The following LDLRAD4 variants were observed in gnomAD, a reference collection of about 807,000 sequenced individuals.
The protein encoded by LDLRAD4 is low density lipoprotein receptor class A domain containing 4.
Under a neutral mutation model 17.0 loss-of-function variants are expected in LDLRAD4, and 5 were observed. The observed-to-expected ratio is 0.29, with a 90% CI of 0.15 to 0.62. The LOEUF is 0.62. Among genes scored for constraint, LDLRAD4 ranks in the 20% least tolerant of loss-of-function variants. The pLI is 0.84. For synonymous variants in LDLRAD4, 168 were observed against 171.8 expected (o/e 0.98, Z 0.17); for missense variants, 340 against 424.7 (o/e 0.80, Z 1.75).
At chr18:13,311,539 A>G (rs1429419122) in intron 1 of LDLRAD4, among the ~76,000 whole-genome samples, 1 of 152,190 alleles carries the variant, frequency 6.6e-6, no homozygotes, top group Non-Finnish European at 1.5e-5. Flanking sequence ...CGCCGGCCAC[A>G]CTGGGCAATG....
Position 13,227,565 on chromosome 18 carries a change from C to T in LDLRAD4, c.-467+8577C>T, listed in dbSNP as rs536799637. On this transcript the variant is annotated intron_variant, in intron 1 of 5. Coordinates refer to the LDLRAD4 transcript ENST00000399848. ...GACCTGGTGGGCCCATGTATTAGTC[C>T]GTTCTCATGCTGCTATGAAGAAATA... 1.2e-4 allele frequency among the ~76,000 whole-genome samples: 18 copies of T among 152,278 alleles called. No homozygotes were observed. In the East Asian group the frequency reaches 3.3e-3, roughly 28 times the overall value.
At chr18:13,485,285 A>G (rs1008685197) in intron 3 of LDLRAD4, among the ~76,000 whole-genome samples, 1 of 152,156 alleles carries the variant, frequency 6.6e-6, no homozygotes, top group Non-Finnish European at 1.5e-5. Flanking sequence ...TGACCCCACA[A>G]AGCCTCTGGT....
At chr18:13,578,285 C>T (rs1462538149) in intron 3 of LDLRAD4, among the ~76,000 whole-genome samples, 2 of 152,192 alleles carry the variant, frequency 1.3e-5, no homozygotes, top group Non-Finnish European at 2.9e-5. Flanking sequence ...TGATGAATTA[C>T]CACCTTACTA....
intron 3 of LDLRAD4, among the ~76,000 whole-genome samples, chr18:13,493,872 G>T (rs150156601): frequency 0.013 from 1,910 of 152,320 alleles, 18 homozygotes; most frequent in Non-Finnish European, 0.021. Flanking sequence ...CACTCAGCCC[G>T]TGGGCCCTCT....
intron 1 of LDLRAD4, among the ~76,000 whole-genome samples, chr18:13,331,071 T>C (rs1180782036): frequency 6.6e-6 from 1 of 152,174 alleles, no homozygotes; most frequent in Admixed American, 6.5e-5. Context: ...GCAGTAAAGG[T>C]AAATAAGTGT....
At chr18:13,629,359 A>G (rs1190890833) in intron 4 of LDLRAD4, among the ~76,000 whole-genome samples, 1 of 152,230 alleles carries the variant, frequency 6.6e-6, no homozygotes, top group Non-Finnish European at 1.5e-5. Flanking sequence ...TCAATTAGTG[A>G]GACTGACGTC....
intron 3 of LDLRAD4, among the ~76,000 whole-genome samples, chr18:13,465,514 A>G (rs1253087214): frequency 1.3e-5 from 2 of 152,200 alleles, no homozygotes; most frequent in African/African-American, 2.4e-5. Flanking sequence ...GCATGTGTTG[A>G]GCATTTGATT....
chr18:13,450,592 G>T (rs2091770873), intron 3 of LDLRAD4, among the ~76,000 whole-genome samples: 1 of 152,268 alleles, frequency 6.6e-6, no homozygotes, highest in Non-Finnish European at 1.5e-5. Context: ...GTGCAGGGCT[G>T]CAGGGGCTAG....
chr18:13,557,019 G>C (rs148355503), intron 3 of LDLRAD4, among the ~76,000 whole-genome samples: 88 of 152,248 alleles, frequency 5.8e-4, no homozygotes, highest in South Asian at 2.7e-3. Flanking sequence ...GCACGGCCAG[G>C]CTCAGTGGCA....
chr18:13,250,116 A>G (rs1255167615), intron 1 of LDLRAD4, among the ~76,000 whole-genome samples: 2 of 152,188 alleles, frequency 1.3e-5, no homozygotes, highest in Non-Finnish European at 2.9e-5. Context: ...GTCAGAAATC[A>G]GTTGGCTTGT....
intron 1 of LDLRAD4, among the ~76,000 whole-genome samples, chr18:13,237,760 T>A (rs897410264): frequency 1.3e-5 from 2 of 152,250 alleles, no homozygotes; most frequent in Non-Finnish European, 1.5e-5. Context: ...GAGGCATTGC[T>A]GTCCAGCAGT....
chr18:13,616,985 T>C (rs1015868011), intron 3 of LDLRAD4, among the ~76,000 whole-genome samples: 1 of 152,150 alleles, frequency 6.6e-6, no homozygotes, highest in Admixed American at 6.5e-5. Context: ...GCATGACTCA[T>C]ATTTGGAGCC....
intron 4 of LDLRAD4, among the ~76,000 whole-genome samples, chr18:13,629,551 C>T (rs2041480268): frequency 6.6e-6 from 1 of 152,226 alleles, no homozygotes; most frequent in South Asian, 2.1e-4. Context: ...TAAACTGATG[C>T]TAAAGGCAGT....
Position 13,480,732 on chromosome 18 carries a change from A to T in LDLRAD4, c.181+42348A>T, listed in dbSNP as rs190759123. On this transcript the variant is annotated intron_variant, in intron 3 of 5. Coordinates refer to ENST00000359446, the Ensembl canonical transcript of LDLRAD4. Reference sequence around the variant, plus strand: ...GCTGTGAACCTAAAACTTCTCTAAAAATTAAGTCATAAATTCTGACTGGAG... The same window carrying T: ...GCTGTGAACCTAAAACTTCTCTAAATATTAAGTCATAAATTCTGACTGGAG... Among the ~76,000 whole-genome samples, 22 of 152,308 alleles carry T rather than the reference A, an allele frequency of 1.4e-4. No individual in the cohort carries two copies. The East Asian group carries it at 3.9e-3, about 27-fold the overall frequency.
intron 3 of LDLRAD4, among the ~76,000 whole-genome samples, chr18:13,465,833 A>G (rs900521833): frequency 2.0e-5 from 3 of 152,188 alleles, no homozygotes; most frequent in Non-Finnish European, 4.4e-5. Context: ...CATGTGTATA[A>G]ACCGTAATGC....
chr18:13,343,929 A>G (rs1203182049), intron 1 of LDLRAD4, among the ~76,000 whole-genome samples: 2 of 151,756 alleles, frequency 1.3e-5, no homozygotes, highest in South Asian at 2.1e-4. Context: ...TGATGGGGTT[A>G]TTTGTTTTTT....
chr18:13,612,020 C>G lies in LDLRAD4; in HGVS notation c.182-9097C>G, dbSNP rs554081916. On this transcript the variant is annotated intron_variant, in intron 3 of 5. Transcript: ENST00000359446. ...GGAGCGGATCTGCAGGGGAGAAGCA[C>G]GCGAGCCTAACGTGAGCGTCCCGCC... 1.7e-4 allele frequency: 170 copies of G among 985,458 alleles called. 1 individual carries two copies. The African/African-American group carries it at 2.8e-3, about 16-fold the overall frequency. The allele number at this position is 985,458 out of a possible 1,614,324, so 61.0% of individuals were successfully genotyped here. A position where few individuals can be genotyped will look rare whatever the true frequency, so the allele number is the denominator to read the frequency against.
chr18:13,284,964 C>T (rs73951946), intron 1 of LDLRAD4, among the ~76,000 whole-genome samples: 1,639 of 152,256 alleles, frequency 0.011, 30 homozygotes, highest in African/African-American at 0.035. Context: ...TGTGGCATGT[C>T]GGACGGGCTG....
intron 2 of LDLRAD4, among the ~76,000 whole-genome samples, chr18:13,413,523 C>G (rs1452712837): frequency 6.6e-6 from 1 of 152,166 alleles, no homozygotes; most frequent in Non-Finnish European, 1.5e-5. Context: ...CAGGCACTTG[C>G]AGTAATTTTT....
Sources: allele counts gnomAD v4.1 joint callset (sites outside exome capture counted in the v4.1 genomes callset), GRCh38; gene constraint gnomAD v4.1.1; transcripts MANE v1.5; gene names NCBI Gene and HGNC (gene_info 2026-07-23, HGNC 2026-07-21).